The following LIPI variants were observed in gnomAD, a reference collection of about 807,000 sequenced individuals.
LIPI encodes the protein lipase I.
Under a neutral mutation model 50.6 loss-of-function variants are expected in LIPI, and 59 were observed. That is an observed-to-expected ratio of 1.16 (90% CI 0.94 to 1.45). LIPI has a LOEUF of 1.45. LIPI is among the 40% of genes most tolerant of loss of function. LIPI has a pLI of 0.00. For synonymous variants in LIPI, 203 were observed against 178.2 expected (o/e 1.14, Z -1.11); for missense variants, 586 against 536.3 (o/e 1.09, Z -0.92).
At chr21:14,195,669 T>C (rs1600928840) in intron 1 of LIPI, among the ~76,000 whole-genome samples, 1 of 152,168 alleles carries the variant, frequency 6.6e-6, no homozygotes, top group African/African-American at 2.4e-5. Context: ...TAATAATACA[T>C]ATCTTCTAAA....
At chr21:14,140,819 A>T (rs898574293) in intron 9 of LIPI, among the ~76,000 whole-genome samples, 1 of 152,072 alleles carries the variant, frequency 6.6e-6, no homozygotes, top group Non-Finnish European at 1.5e-5. Context: ...TTACTGTTTC[A>T]TAAAGCTGTG....
intron 9 of LIPI, among the ~76,000 whole-genome samples, chr21:14,128,614 AT>A (rs140198652): frequency 0.027 from 4,155 of 152,194 alleles, 180 homozygotes; most frequent in African/African-American, 0.091. Context: ...TATCAAGGAT[AT>A]ATCCTTAAAG....
At chr21:14,164,568 C>T (rs2018609188) in intron 6 of LIPI, among the ~76,000 whole-genome samples, 1 of 152,158 alleles carries the variant, frequency 6.6e-6, no homozygotes, top group African/African-American at 2.4e-5. Context: ...ATGATACTGA[C>T]CAGATGTTTA....
Position 14,108,860 on chromosome 21 carries a change from T to C in LIPI, c.*133A>G, listed in dbSNP as rs1030420738. The stretch of plus-strand genomic sequence containing the variant: ...ATTTTTTATTTTCTTTATTTTTGAT[T>C]CTTAAAATTTTTTCCAAGAAATAGA... On this transcript the variant is annotated 3_prime_UTR_variant, in exon 10 of 10. Transcript: ENST00000681601. 12 of 1,045,088 alleles carry C rather than the reference T, an allele frequency of 1.1e-5. No individual in the cohort carries two copies. The highest frequency in any genetic ancestry group is 1.1e-4 in the Admixed American group (5 of 43,640). The allele number at this position is 1,045,088 out of a possible 1,614,324, so 64.7% of individuals were successfully genotyped here.
intron 5 of LIPI, among the ~76,000 whole-genome samples, chr21:14,166,106 A>T (rs918394798): frequency 6.6e-6 from 1 of 152,176 alleles, no homozygotes; most frequent in Non-Finnish European, 1.5e-5. Context: ...ACTTCTCCTA[A>T]TGTTTAAAAT....
chr21:14,208,051 C>T (rs1297043227), intron 1 of LIPI, among the ~76,000 whole-genome samples: 2 of 152,080 alleles, frequency 1.3e-5, no homozygotes, highest in African/African-American at 4.8e-5. Flanking sequence ...ATTAAAATTC[C>T]TTGAGGGCAT....
At chr21:14,129,571 C>A (rs2017202343) in intron 9 of LIPI, among the ~76,000 whole-genome samples, 1 of 151,392 alleles carries the variant, frequency 6.6e-6, no homozygotes, top group Admixed American at 6.6e-5. Flanking sequence ...AAGAGAGAAT[C>A]ATTTATTTTA....
chr21:14,199,308 G>A, intron 1 of LIPI, among the ~76,000 whole-genome samples: 1 of 151,392 alleles, frequency 6.6e-6, no homozygotes. Flanking sequence ...AATCTAGGAG[G>A]TGGTTTTCTG....
chr21:14,130,997 C>G (rs2017271488), intron 9 of LIPI, among the ~76,000 whole-genome samples: 1 of 152,214 alleles, frequency 6.6e-6, no homozygotes, highest in Non-Finnish European at 1.5e-5. Context: ...GTCAACCAGG[C>G]TGGAGTGCAG....
chr21:14,109,140 A>T, intron 9 of LIPI, 60 bp from the exon 10 acceptor site: 2 of 1,312,886 alleles, frequency 1.5e-6, no homozygotes, highest in South Asian at 1.2e-5. Flanking sequence ...AACAGAGTTG[A>T]TTTCCTTCTC....
intron 2 of LIPI, among the ~76,000 whole-genome samples, chr21:14,187,532 C>A (rs1268750614): frequency 6.6e-6 from 1 of 152,138 alleles, no homozygotes; most frequent in Non-Finnish European, 1.5e-5. Context: ...AGAATTTTAT[C>A]TAATATTACA....
Position 14,152,565 on chromosome 21 carries a change from T to G in LIPI, c.1118+8A>C, listed in dbSNP as rs1395538075. 1 of 1,345,816 alleles carries G rather than the reference T, an allele frequency of 7.4e-7. No individual in the cohort carries two copies. The highest frequency in any genetic ancestry group is 1.1e-6 in the Non-Finnish European group (1 of 941,576). 83.4% of individuals were successfully genotyped at this position (1,345,816 alleles called of 1,614,324 possible). A position where few individuals can be genotyped will look rare whatever the true frequency, so the allele number is the denominator to read the frequency against. ...ATATGAGAGAAGAAAATAGTAAATT[T>G]TACTTACTCATAAAGCCTTGGCTCT... On this transcript the variant is annotated splice_region_variant and intron_variant, in intron 8 of 9. Transcript: ENST00000681601.
intron 9 of LIPI, among the ~76,000 whole-genome samples, chr21:14,132,872 T>C (rs1026577741): frequency 1.3e-5 from 2 of 152,186 alleles, no homozygotes; most frequent in Admixed American, 6.5e-5. Flanking sequence ...TATTAACAAC[T>C]ATGTGCTCAC....
At chr21:14,192,064 G>A (rs1026307154) in intron 1 of LIPI, among the ~76,000 whole-genome samples, 2 of 152,132 alleles carry the variant, frequency 1.3e-5, no homozygotes, top group African/African-American at 4.8e-5. Flanking sequence ...CCCACTGAGG[G>A]TTAAGAGTTT....
chr21:14,184,770 A>G (rs373346989), intron 3 of LIPI, among the ~76,000 whole-genome samples: 3 of 152,336 alleles, frequency 2.0e-5, no homozygotes, highest in East Asian at 3.9e-4. Flanking sequence ...AAAGAGAATG[A>G]GCTTTAAGCA....
At position 14,165,453 on chromosome 21, in the gene LIPI, A is replaced by G. The variant is rs1234278247; in HGVS notation, c.734-63T>C. ...ATTAAGCCATGTTCAAGTACATTTA[A>G]AAACAAAGTAAAGATGAAGTTTTGC... On this transcript the variant is annotated intron_variant, in intron 5 of 9. Coordinates refer to ENST00000681601, the MANE Select transcript of LIPI (RefSeq NM_001302998.2). 21 of 1,229,150 alleles carry G rather than the reference A, an allele frequency of 1.7e-5. No homozygotes were observed. The East Asian group carries it at 4.9e-4, about 29-fold the overall frequency. 76.1% of individuals were successfully genotyped at this position (1,229,150 alleles called of 1,614,324 possible).
intron 4 of LIPI, among the ~76,000 whole-genome samples, 162 bp from the exon 5 acceptor site, chr21:14,166,613 T>A (rs1275846068): frequency 2.6e-5 from 4 of 152,250 alleles, no homozygotes; most frequent in Admixed American, 6.5e-5. Flanking sequence ...CTATAATTCC[T>A]TCATGAAAAG....
At chr21:14,135,965 C>T (rs894171289) in intron 9 of LIPI, among the ~76,000 whole-genome samples, 1 of 152,280 alleles carries the variant, frequency 6.6e-6, no homozygotes, top group African/African-American at 2.4e-5. Flanking sequence ...TCTAGCATAG[C>T]AGCTCAGCCA....
intron 4 of LIPI, among the ~76,000 whole-genome samples, chr21:14,169,963 C>G (rs565683479): frequency 1.3e-4 from 20 of 152,006 alleles, no homozygotes; most frequent in African/African-American, 4.8e-4. Flanking sequence ...TGATAGACCG[C>G]TAGCAAGACT....
Sources: gnomAD v4.1 joint callset for allele counts (sites outside exome capture counted in the v4.1 genomes callset) on GRCh38, gnomAD v4.1.1 for gene constraint, MANE v1.5 for transcripts, NCBI Gene and HGNC (gene_info 2026-07-23, HGNC 2026-07-21) for gene names.